ACOT8: variants seen among roughly 807,000 people sequenced by gnomAD.
ACOT8 encodes acyl-CoA thioesterase 8, also known as acyl-coenzyme A thioesterase 8.
Under a neutral mutation model 38.4 loss-of-function variants are expected in ACOT8, and 31 were observed. The observed-to-expected ratio is 0.81, with a 90% CI of 0.61 to 1.09. The LOEUF (loss-of-function observed/expected upper bound fraction) is 1.09. Among genes scored for constraint, ACOT8 ranks in the 50% least tolerant of loss-of-function variants. The probability of loss-of-function intolerance (pLI) is 0.00; values close to 1 mark genes in which losing one functional copy is unlikely to be tolerated. For synonymous variants in ACOT8, 158 were observed against 170.3 expected, an observed-to-expected ratio of 0.93 and a Z score of 0.56; for missense variants, 373 against 421.8, an observed-to-expected ratio of 0.88 and a Z score of 1.01.
intron 2 of ACOT8, chr20:45,853,808 A>T: frequency 2.7e-6 from 2 of 736,022 alleles, no homozygotes; most frequent in Non-Finnish European, 4.1e-6. Flanking sequence ...CTCAGGGATG[A>T]GGAGTAAGAG....
At chr20:45,854,168 G>A (rs1363958780) in intron 2 of ACOT8, among the ~76,000 whole-genome samples, 1 of 148,726 alleles carries the variant, frequency 6.7e-6, no homozygotes, top group East Asian at 1.9e-4. Flanking sequence ...CAATGTGCGG[G>A]GATTATAGGC....
At chr20:45,847,080 T>C (rs73622612) in intron 3 of ACOT8, among the ~76,000 whole-genome samples, 2 of 152,116 alleles carry the variant, frequency 1.3e-5, no homozygotes. Context: ...CATGGTGGCA[T>C]GTGCCTGTAA....
chr20:45,845,961 A>G (rs1377092261), intron 3 of ACOT8, among the ~76,000 whole-genome samples: 2 of 151,504 alleles, frequency 1.3e-5, no homozygotes, highest in African/African-American at 4.9e-5. Context: ...CCTCCTGAGT[A>G]GCTGGGATTA....
Position 45,848,435 on chromosome 20 carries a change from C to T in ACOT8, c.488+15G>A. 1 of 1,562,418 alleles carries T rather than the reference C, an allele frequency of 6.4e-7. No individual in the cohort carries two copies. The highest frequency in any genetic ancestry group is 8.7e-7 in the Non-Finnish European group (1 of 1,149,580). Reference sequence around the variant, plus strand: ...CATTTTGAAAAGTCTGCCATGGAGCCTCCAGGTCTCTCACCTTAAATACTG... The same window carrying T: ...CATTTTGAAAAGTCTGCCATGGAGCTTCCAGGTCTCTCACCTTAAATACTG... On this transcript the variant is annotated intron_variant, in intron 3 of 5. Transcript: ENST00000217455.
chr20:45,843,248 C>G (rs527791025), intron 5 of ACOT8: 1 of 595,276 alleles, frequency 1.7e-6, no homozygotes, highest in East Asian at 4.0e-5. Context: ...TATGATTTGC[C>G]TATTGTAATA....
rs374644067 is a variant in ACOT8 at position 45,844,248 on chromosome 20, A to G, written c.646+15T>C. On this transcript the variant is annotated intron_variant, in intron 4 of 5. Coordinates refer to ENST00000217455, the MANE Select transcript of ACOT8 (RefSeq NM_005469.4). ...CTTGGAGAGTGGTTTCCTCCCATCC[A>G]TGGGGTACTCTTACCAATATAGCCC... 12 of 1,614,016 alleles carry G rather than the reference A, an allele frequency of 7.4e-6. No homozygotes were observed. In the African/African-American group the frequency reaches 8.0e-5, roughly 11 times the overall value.
intron 2 of ACOT8, 71 bp downstream of exon 2, chr20:45,855,088 C>G (rs1293397157): frequency 6.3e-7 from 1 of 1,586,142 alleles, no homozygotes; most frequent in African/African-American, 1.3e-5. Flanking sequence ...CCCTTTTGAC[C>G]TCAGCCCCCA....
chr20:45,842,077 G>A (rs1367437123), intron 5 of ACOT8, 121 bp from the exon 6 acceptor site: 1 of 1,540,208 alleles, frequency 6.5e-7, no homozygotes, highest in Non-Finnish European at 8.7e-7. Flanking sequence ...CTGGGTTCAA[G>A]GGATCCTCCC....
At chr20:45,844,986 A>T (rs1268877839) in intron 3 of ACOT8, among the ~76,000 whole-genome samples, 2 of 152,122 alleles carry the variant, frequency 1.3e-5, no homozygotes, top group African/African-American at 2.4e-5. Context: ...TGGCGCAATC[A>T]GCTCACTGCA....
intron 5 of ACOT8, chr20:45,843,162 G>A: frequency 3.1e-6 from 2 of 637,806 alleles, no homozygotes; most frequent in Non-Finnish European, 4.6e-6. Flanking sequence ...CAGTCTGATG[G>A]ACTGCGGGTT....
Position 45,848,537 on chromosome 20 carries a change from C to T in ACOT8, c.401G>A (p.Ser134Asn). 6.2e-7 allele frequency: 1 copy of T among 1,614,070 alleles called. No individual in the cohort carries two copies. Among genetic ancestry groups the T allele is most frequent in the Non-Finnish European group, 8.5e-7 (1 of 1,180,014 alleles). Residue 134 changes from serine (S) to asparagine (N), a missense_variant, in exon 3 of 6, where the codon AGC (serine) becomes AAC (asparagine). Transcript: ENST00000217455. ...CQASFQQAQPSPMQHQFSMPT... is the reference protein window; with the variant it reads ...CQASFQQAQPNPMQHQFSMPT... Reference sequence around the variant, plus strand: ...CATGGAGAACTGGTGCTGCATGGGGCTGGGCTGGGCCTGCTGGAAGGAGGC... The same window carrying T: ...CATGGAGAACTGGTGCTGCATGGGGTTGGGCTGGGCCTGCTGGAAGGAGGC...
chr20:45,842,064 C>T (rs577482788), intron 5 of ACOT8, 108 bp from the exon 6 acceptor site: 72 of 1,542,690 alleles, frequency 4.7e-5, no homozygotes, highest in Non-Finnish European at 5.9e-5. Context: ...TGGTCTCAAG[C>T]GCCTGGGTTC....
chr20:45,856,021 T>C (rs1293587762), intron 1 of ACOT8, among the ~76,000 whole-genome samples: 1 of 152,114 alleles, frequency 6.6e-6, no homozygotes, highest in Non-Finnish European at 1.5e-5. Flanking sequence ...CCCAGCACTT[T>C]GGGAAGCCGA....
At chr20:45,843,125 C>G in intron 5 of ACOT8, 1 of 1,020,824 alleles carries the variant, frequency 9.8e-7, no homozygotes, top group Non-Finnish European at 1.3e-6. Context: ...GAATCAGAAT[C>G]TATTTTGAAA....
intron 5 of ACOT8, chr20:45,842,951 T>C (rs903183529): frequency 4.0e-5 from 40 of 1,011,900 alleles, no homozygotes; most frequent in East Asian, 9.4e-5. Context: ...TAGACATTGA[T>C]GAACGAGTCT....
chr20:45,855,076 T>C, intron 2 of ACOT8, 83 bp downstream of exon 2: 12 of 1,563,584 alleles, frequency 7.7e-6, no homozygotes, highest in Non-Finnish European at 9.6e-6. Context: ...TCTCCCTCTC[T>C]TCCCTTTTGA....
intron 5 of ACOT8, chr20:45,842,980 G>C: frequency 1.9e-6 from 2 of 1,026,566 alleles, no homozygotes; most frequent in Non-Finnish European, 2.3e-6. Flanking sequence ...TCCCCTGCAA[G>C]GAAGGTCCAA....
At chr20:45,851,580 C>T (rs1900285594) in intron 2 of ACOT8, among the ~76,000 whole-genome samples, 1 of 152,158 alleles carries the variant, frequency 6.6e-6, no homozygotes, top group Admixed American at 6.5e-5. Flanking sequence ...TGCAGGGTGC[C>T]TGACAGCATT....
chr20:45,851,129 A>T (rs1443722759), intron 2 of ACOT8, among the ~76,000 whole-genome samples: 1 of 152,202 alleles, frequency 6.6e-6, no homozygotes, highest in Non-Finnish European at 1.5e-5. Flanking sequence ...GGAGTCAACC[A>T]GGCACCAGGG....
Sources: allele counts gnomAD v4.1 joint callset (sites outside exome capture counted in the v4.1 genomes callset), GRCh38; gene constraint gnomAD v4.1.1; transcripts MANE v1.5; gene names NCBI Gene and HGNC (gene_info 2026-07-23, HGNC 2026-07-21).